EPHA6: variants seen among roughly 807,000 people sequenced by gnomAD.
The protein encoded by EPHA6 is ephrin type-A receptor 6.
Under a neutral mutation model 112.0 loss-of-function variants are expected in EPHA6, and 50 were observed. That is an observed-to-expected ratio of 0.45 (90% CI 0.36 to 0.56). EPHA6 has a LOEUF of 0.56. Among genes scored for constraint, EPHA6 ranks in the 20% least tolerant of loss-of-function variants. EPHA6 has a pLI of 0.00. For synonymous variants in EPHA6, 529 were observed against 490.7 expected, an observed-to-expected ratio of 1.08 and a Z score of -1.03; for missense variants, 1,280 against 1,417.4, an observed-to-expected ratio of 0.90 and a Z score of 1.56.
chr3:97,738,397 C>T (rs1476923612), intron 16 of EPHA6, among the ~76,000 whole-genome samples: 1 of 151,970 alleles, frequency 6.6e-6, no homozygotes, highest in African/African-American at 2.4e-5. Context: ...AATCAGTGCC[C>T]ATCAACAAAG....
intron 11 of EPHA6, among the ~76,000 whole-genome samples, chr3:97,539,328 C>T (rs912731165): frequency 2.0e-5 from 3 of 151,272 alleles, no homozygotes; most frequent in Admixed American, 6.6e-5. Context: ...TTGTATTTTT[C>T]GTAGAGATGG....
intron 3 of EPHA6, among the ~76,000 whole-genome samples, chr3:97,076,689 G>A (rs1325890056): frequency 6.6e-6 from 1 of 152,132 alleles, no homozygotes; most frequent in Non-Finnish European, 1.5e-5. Flanking sequence ...AGAAGTCAAT[G>A]CCTGACTTTG....
chr3:97,672,288 T>C (rs1012320348), intron 14 of EPHA6, among the ~76,000 whole-genome samples: 1 of 152,234 alleles, frequency 6.6e-6, no homozygotes, highest in South Asian at 2.1e-4. Flanking sequence ...TTCTGCTGCA[T>C]ATTTCTTGCC....
intron 3 of EPHA6, among the ~76,000 whole-genome samples, chr3:97,047,643 C>T (rs2045558251): frequency 6.6e-6 from 1 of 151,040 alleles, no homozygotes; most frequent in South Asian, 2.1e-4. Context: ...AAAATTAAAT[C>T]TGCAGTGAAA....
At chr3:97,720,081 A>T (rs1181609739) in intron 14 of EPHA6, among the ~76,000 whole-genome samples, 180 bp from the exon 15 acceptor site, 1 of 152,194 alleles carries the variant, frequency 6.6e-6, no homozygotes, top group African/African-American at 2.4e-5. Context: ...TTTACTGAAT[A>T]ATTATAGGAA....
intron 5 of EPHA6, among the ~76,000 whole-genome samples, chr3:97,331,186 C>G (rs2082779322): frequency 6.6e-6 from 1 of 152,100 alleles, no homozygotes; most frequent in Admixed American, 6.6e-5. Context: ...TAAAGATGTT[C>G]TTTGAAACCA....
intron 3 of EPHA6, among the ~76,000 whole-genome samples, chr3:97,029,044 CTT>C (rs1039250855): frequency 6.6e-6 from 1 of 151,350 alleles, no homozygotes; most frequent in Non-Finnish European, 1.5e-5. Context: ...AGAACATCGA[CTT>C]AAGTATATCA....
intron 3 of EPHA6, among the ~76,000 whole-genome samples, chr3:97,005,825 A>C (rs1309935375): frequency 6.6e-6 from 1 of 152,188 alleles, no homozygotes; most frequent in Non-Finnish European, 1.5e-5. Context: ...TTTTAACATG[A>C]AGGGATATTG....
At chr3:97,408,838 T>G (rs1177452368) in intron 6 of EPHA6, among the ~76,000 whole-genome samples, 1 of 151,970 alleles carries the variant, frequency 6.6e-6, no homozygotes, top group South Asian at 2.1e-4. Context: ...ACATATGAAT[T>G]TTGGAAGGAC....
rs2091470267 is a variant in EPHA6, at chr3:97,479,508, T to C, written c.2074+144T>C. 1.0e-5 allele frequency: 5 copies of C among 499,468 alleles called. No individual in the cohort carries two copies. The South Asian group carries it at 2.8e-4, about 28-fold the overall frequency. The allele number at this position is 499,468 out of a possible 1,614,324, so 30.9% of individuals were successfully genotyped here. On this transcript the variant is annotated intron_variant, in intron 9 of 17. Coordinates refer to ENST00000389672, the MANE Select transcript of EPHA6 (RefSeq NM_001080448.3). ...CAGCATTAAGAATTTTCATCTGGTT[T>C]CCAGGTTTGTTGGTGAAAGTTGCAC... is the stretch of plus-strand genomic sequence containing the variant.
intron 2 of EPHA6, among the ~76,000 whole-genome samples, chr3:96,936,029 T>C (rs922074940): frequency 6.6e-6 from 1 of 151,902 alleles, no homozygotes; most frequent in Non-Finnish European, 1.5e-5. Flanking sequence ...TTTTCAACAC[T>C]GCTAAAAGGG....
intron 10 of EPHA6, among the ~76,000 whole-genome samples, chr3:97,523,979 T>C (rs2092582486): frequency 6.6e-6 from 1 of 152,086 alleles, no homozygotes; most frequent in Non-Finnish European, 1.5e-5. Context: ...AGTCTATGTG[T>C]GTCCCTAAAG....
intron 3 of EPHA6, among the ~76,000 whole-genome samples, chr3:97,186,368 C>T (rs1479778143): frequency 6.6e-6 from 1 of 152,026 alleles, no homozygotes; most frequent in Non-Finnish European, 1.5e-5. Context: ...TCATAACTCT[C>T]AAAAACATAG....
chr3:96,918,934 A>G (rs979250417), intron 2 of EPHA6, among the ~76,000 whole-genome samples: 44 of 152,028 alleles, frequency 2.9e-4, no homozygotes, highest in South Asian at 4.1e-4. Context: ...CTGACACTGT[A>G]ATATTTTATA....
At chr3:97,093,785 G>A (rs913801165) in intron 3 of EPHA6, among the ~76,000 whole-genome samples, 1 of 151,922 alleles carries the variant, frequency 6.6e-6, no homozygotes, top group East Asian at 1.9e-4. Context: ...CATTCCTCCC[G>A]AATGCTGATT....
At chr3:96,851,865 G>T (rs1229466628) in intron 1 of EPHA6, among the ~76,000 whole-genome samples, 1 of 152,154 alleles carries the variant, frequency 6.6e-6, no homozygotes. Context: ...TGAAAACCAA[G>T]ATCTTGCAGG....
chr3:97,131,370 G>A (rs184603107), intron 3 of EPHA6, among the ~76,000 whole-genome samples: 1 of 152,098 alleles, frequency 6.6e-6, no homozygotes, highest in Admixed American at 6.5e-5. Flanking sequence ...ATAAAAAATA[G>A]GAACAGATCA....
intron 3 of EPHA6, among the ~76,000 whole-genome samples, chr3:97,096,820 CTT>C (rs1216394967): frequency 6.6e-6 from 1 of 151,678 alleles, no homozygotes; most frequent in Admixed American, 6.6e-5. Context: ...ATAGTATAAT[CTT>C]TTTTTATATT....
chr3:96,856,439 G>A (rs1224851451), intron 1 of EPHA6, among the ~76,000 whole-genome samples: 1 of 151,978 alleles, frequency 6.6e-6, no homozygotes, highest in African/African-American at 2.4e-5. Context: ...AAAAATATTG[G>A]TTTATAAATC....
Sources: allele counts gnomAD v4.1 joint callset (sites outside exome capture counted in the v4.1 genomes callset), GRCh38; gene constraint gnomAD v4.1.1; transcripts MANE v1.5; gene names NCBI Gene and HGNC (gene_info 2026-07-23, HGNC 2026-07-21).